UNC13A: variants seen among roughly 807,000 people sequenced by gnomAD.
The protein encoded by UNC13A is protein unc-13 homolog A.
UNC13A carries 61 observed loss-of-function variants against 219.7 expected under a neutral mutation model. That is an observed-to-expected ratio of 0.28 (90% CI 0.23 to 0.34). The LOEUF (loss-of-function observed/expected upper bound fraction) is 0.34, where lower values mean the gene tolerates loss of function less well. UNC13A is among the 10% of genes least tolerant of loss of function. The pLI is 1.00. For synonymous variants in UNC13A, 920 were observed against 884.6 expected, an observed-to-expected ratio of 1.04 and a Z score of -0.71; for missense variants, 1,476 against 2,270.3, an observed-to-expected ratio of 0.65 and a Z score of 7.11.
chr19:17,635,702 A>G (rs1488632504), intron 26 of UNC13A, among the ~76,000 whole-genome samples: 1 of 152,174 alleles, frequency 6.6e-6, no homozygotes, highest in Non-Finnish European at 1.5e-5. Flanking sequence ...GCACATAGTA[A>G]TACTTGAGCA....
Position 17,652,657 on chromosome 19 carries a change from C to A in UNC13A, c.1413G>T (p.Met471Ile), listed in dbSNP as rs745432823. The A allele has an allele frequency of 2.5e-6, 4 of 1,613,828 alleles. No homozygotes were observed. The East Asian group carries it at 6.7e-5, about 27-fold the overall frequency. The change falls in exon 12 of 44, where the codon ATG (methionine) becomes ATT (isoleucine). Residue 471 changes from methionine to isoleucine, a missense_variant. Around this residue, in one of 14 missense-constraint regions of UNC13A, gnomAD observed 351 missense variants for 342.6 expected, o/e 1.02. Transcript: ENST00000519716. ...QLQEARGEGE[M>I]SKSLWFKGGP... ...CGCCTTTGAACCATAGGGATTTAGA[C>A]ATCTCTCCTTCTCCCCGGGCCTGCA...
chr19:17,644,532 T>C (rs924283859), intron 19 of UNC13A, among the ~76,000 whole-genome samples: 2 of 146,168 alleles, frequency 1.4e-5, no homozygotes, highest in Non-Finnish European at 3.0e-5. Context: ...TGTTTTTTTT[T>C]TTTTTTTTTG....
Position 17,660,859 on chromosome 19 carries a change from T to C in UNC13A, c.560-2590A>G, listed in dbSNP as rs539160083. 3.2e-4 allele frequency among the ~76,000 whole-genome samples: 49 copies of C among 152,250 alleles called. No homozygotes were observed. In the South Asian group the frequency reaches 9.5e-3, roughly 30 times the overall value. On this transcript the variant is annotated intron_variant, in intron 8 of 43. Transcript: ENST00000519716. Reference sequence around the variant, plus strand: ...CTTTGCTTTTGACCGTACTGTTCGTTTGTGGCAAGTTGGTTGTTATCGAGC... The same window carrying C: ...CTTTGCTTTTGACCGTACTGTTCGTCTGTGGCAAGTTGGTTGTTATCGAGC...
chr19:17,612,003 G>T, intron 41 of UNC13A, 148 bp from the exon 42 acceptor site: 1 of 597,548 alleles, frequency 1.7e-6, no homozygotes. Flanking sequence ...CAGGATGGGA[G>T]GTGCTCTTGG....
chr19:17,675,379 C>T (rs2079877412), intron 2 of UNC13A, among the ~76,000 whole-genome samples: 1 of 151,554 alleles, frequency 6.6e-6, no homozygotes, highest in Non-Finnish European at 1.5e-5. Context: ...CGCCTGCAAT[C>T]CTAGCACTTT....
intron 34 of UNC13A, chr19:17,626,359 T>C (rs750611878): frequency 1.3e-5 from 5 of 392,706 alleles, no homozygotes; most frequent in African/African-American, 2.0e-5. Context: ...TAAACATTTA[T>C]CTTTTAATCC....
chr19:17,625,320 A>G (rs1009534197), intron 34 of UNC13A, among the ~76,000 whole-genome samples: 2 of 152,162 alleles, frequency 1.3e-5, no homozygotes, highest in Non-Finnish European at 2.9e-5. Context: ...ATCAGGGACT[A>G]TGAGGGAGAA....
rs1323614862 is a variant in UNC13A, at chr19:17,649,377, A to G, written c.1519-33T>C. 1 of 1,609,074 alleles carries G rather than the reference A, an allele frequency of 6.2e-7. No homozygotes were observed. Among genetic ancestry groups the G allele is most frequent in the Non-Finnish European group, 8.5e-7 (1 of 1,178,624 alleles). ...GTCCACGCAGCACATGGGGGTAGAAATCAGACTACATTAGTCTCAGAGAAT... is the reference window on the plus strand; with the variant it reads ...GTCCACGCAGCACATGGGGGTAGAAGTCAGACTACATTAGTCTCAGAGAAT... On this transcript the variant is annotated intron_variant, in intron 13 of 43. Transcript: ENST00000519716. This position sits in a 1 kb window ranked among gnomAD's most constrained non-coding sequence, Gnocchi z 4.4.
At chr19:17,606,452 G>A (rs2076531588) in intron 43 of UNC13A, 98 bp from the exon 44 acceptor site, 3 of 1,449,988 alleles carry the variant, frequency 2.1e-6, no homozygotes, top group East Asian at 2.6e-5. Context: ...CGCCCACACC[G>A]GGGTGCCCAC....
At position 17,674,247 on chromosome 19, in the gene UNC13A, G is replaced by A. The variant is rs1243736090; in HGVS notation, c.152+410C>T. Among the ~76,000 whole-genome samples, 1 of 152,228 alleles carries A rather than the reference G, an allele frequency of 6.6e-6. No individual in the cohort carries two copies. Among genetic ancestry groups the A allele is most frequent in the Non-Finnish European group, 1.5e-5 (1 of 68,042 alleles). On this transcript the variant is annotated intron_variant, in intron 3 of 43. Transcript: ENST00000519716. The surrounding 1 kb of genome is among the most constrained non-coding windows in gnomAD (Gnocchi z 5.0). ...AGGTGGGTGTGGCTGGGGCAGGTGA[G>A]GGAGATAGAGCGAGAACCTGGTGGG...
At chr19:17,611,296 A>C (rs1169336385) in intron 42 of UNC13A, among the ~76,000 whole-genome samples, 1 of 151,988 alleles carries the variant, frequency 6.6e-6, no homozygotes, top group Non-Finnish European at 1.5e-5. Context: ...CGATCCTCCC[A>C]CCTCAGCCTC....
intron 42 of UNC13A, 25 bp downstream of exon 42, chr19:17,611,738 G>C: frequency 6.2e-7 from 1 of 1,604,290 alleles, no homozygotes; most frequent in Non-Finnish European, 8.5e-7. Flanking sequence ...AACCTAGCAA[G>C]TCCCTCCCAC....
chr19:17,619,692 C>G (rs2076707623), intron 38 of UNC13A, among the ~76,000 whole-genome samples: 1 of 152,160 alleles, frequency 6.6e-6, no homozygotes, highest in African/African-American at 2.4e-5. Flanking sequence ...CTCAGCCTCC[C>G]AAAGTGCTGG....
chr19:17,606,003 C>T lies in UNC13A; in HGVS notation c.*51G>A, dbSNP rs1277335477. ...ACCAAGGCGCAAGCCCCGTCCCTCC[C>T]CGCCCAGCGCCCTCCGCGCAGGCGC... On this transcript the variant is annotated 3_prime_UTR_variant, in exon 44 of 44. Coordinates refer to ENST00000519716, the MANE Select transcript of UNC13A (RefSeq NM_001080421.3). 1.2e-5 allele frequency: 16 copies of T among 1,384,242 alleles called. No homozygotes were observed. The highest frequency in any genetic ancestry group is 1.4e-5 in the Non-Finnish European group (15 of 1,072,458). The allele number at this position is 1,384,242 out of a possible 1,614,324, so 85.7% of individuals were successfully genotyped here. A position where few individuals can be genotyped will look rare whatever the true frequency, so the allele number is the denominator to read the frequency against.
At chr19:17,665,112 A>G (rs62121696) in intron 7 of UNC13A, among the ~76,000 whole-genome samples, 45,023 of 151,902 alleles carry the variant, frequency 0.3, 7,879 homozygotes, top group South Asian at 0.48. Context: ...AGGCACAAGA[A>G]TCACTCAAAT....
chr19:17,617,925 T>G, intron 40 of UNC13A, 76 bp from the exon 41 acceptor site: 1 of 1,557,130 alleles, frequency 6.4e-7, no homozygotes, highest in Non-Finnish European at 8.7e-7. Context: ...AGCCCTGCTG[T>G]CCCCACTCCC....
At chr19:17,625,877 G>A (rs2076777315) in intron 34 of UNC13A, among the ~76,000 whole-genome samples, 1 of 150,318 alleles carries the variant, frequency 6.7e-6, no homozygotes, top group Non-Finnish European at 1.5e-5. Flanking sequence ...ATCCATTTAT[G>A]CATTAAAACA....
At chr19:17,658,608 A>AT (rs34928816) in intron 8 of UNC13A, among the ~76,000 whole-genome samples, 4,085 of 152,206 alleles carry the variant, frequency 0.027, 66 homozygotes, top group Middle Eastern at 0.041. Context: ...ATGACATGGG[A>AT]TTTTTTTCCA....
At chr19:17,648,698 G>C (rs772282397) in intron 15 of UNC13A, 48 bp from the exon 16 acceptor site, 1 of 1,576,498 alleles carries the variant, frequency 6.3e-7, no homozygotes, top group East Asian at 2.3e-5. Flanking sequence ...ACCTGGCGCT[G>C]TCCCTGTCCT....
Sources: allele counts gnomAD v4.1 joint callset (sites outside exome capture counted in the v4.1 genomes callset), GRCh38; gene constraint gnomAD v4.1.1; regional missense constraint gnomAD v4.1.1; non-coding constraint Gnocchi (gnomAD v3.1); transcripts MANE v1.5; gene names NCBI Gene and HGNC (gene_info 2026-07-23, HGNC 2026-07-21).